Variants in PIGG observed in about 807,000 individuals in gnomAD.
PIGG encodes the protein GPI ethanolamine phosphate transferase 2, catalytic subunit.
In PIGG, 70 loss-of-function variants were observed where a neutral mutation model predicts 83.2. The observed-to-expected ratio is 0.84, with a 90% CI of 0.69 to 1.03. The LOEUF is 1.03. Ranked by LOEUF, PIGG falls within the 50% of genes least tolerant of loss-of-function variation. The probability of loss-of-function intolerance (pLI) is 0.00; values close to 1 mark genes in which losing one functional copy is unlikely to be tolerated. For synonymous variants in PIGG, 532 were observed against 519.5 expected, an observed-to-expected ratio of 1.02 and a Z score of -0.33; for missense variants, 1,257 against 1,233.6, an observed-to-expected ratio of 1.02 and a Z score of -0.28.
intron 2 of PIGG, among the ~76,000 whole-genome samples, chr4:504,927 C>T (rs1193875434): frequency 6.6e-6 from 1 of 152,158 alleles, no homozygotes; most frequent in African/African-American, 2.4e-5. Flanking sequence ...CTCCCTGGCC[C>T]CCAGTTCACT....
intron 3 of PIGG, among the ~76,000 whole-genome samples, chr4:507,127 G>T (rs145262691): frequency 6.6e-6 from 1 of 152,142 alleles, no homozygotes. Flanking sequence ...TATTATAGAC[G>T]TGGGGTCTTG....
chr4:524,780 C>A (rs531018814), intron 9 of PIGG: 4 of 152,140 alleles, frequency 2.6e-5, no homozygotes, highest in Non-Finnish European at 5.9e-5. Context: ...GTCTCAGCCC[C>A]CTGAGTAGCT....
At chr4:522,285 A>G (rs2108954739) in intron 8 of PIGG, 1 of 540,198 alleles carries the variant, frequency 1.9e-6, no homozygotes, top group Non-Finnish European at 3.3e-6. Flanking sequence ...ACAGCCTCCC[A>G]GCAGAGGTGT....
In PIGG at chr4:539,451, G is replaced by A; in HGVS notation, c.*82G>A. On this transcript the variant is annotated 3_prime_UTR_variant, in exon 13 of 13. Coordinates refer to ENST00000453061, the MANE Select transcript of PIGG (RefSeq NM_001127178.3). ...TGAAAGATATGAATTCAACAAAGTT[G>A]ATGGATAACTTTCTTTGACTGCTCT... The A allele has an allele frequency of 1.2e-6, 1 of 827,340 alleles. No homozygotes were observed. Among genetic ancestry groups the A allele is most frequent in the Non-Finnish European group, 1.9e-6 (1 of 518,626 alleles). The allele number at this position is 827,340 out of a possible 1,614,324, so 51.2% of individuals were successfully genotyped here.
At chr4:535,677 G>A (rs566104430) in intron 12 of PIGG, among the ~76,000 whole-genome samples, 9 of 152,252 alleles carry the variant, frequency 5.9e-5, no homozygotes, top group Non-Finnish European at 1.0e-4. Flanking sequence ...CTGAGCCCCC[G>A]TGCCAGCCCT....
rs192334966 is a variant in PIGG at position 518,076 on chromosome 4, G to A, written c.1114+1891G>A. 1.4e-4 allele frequency among the ~76,000 whole-genome samples: 22 copies of A among 152,324 alleles called. 1 individual carries two copies. Among genetic ancestry groups the A allele is most frequent in the Middle Eastern group, 6.8e-3 (2 of 294 alleles). Reference sequence around the variant, plus strand: ...TGGAAGACAAACCTGGCCAGCCAAGGAGTGCTTGGGAACCGGATGTGATGA... The same window carrying A: ...TGGAAGACAAACCTGGCCAGCCAAGAAGTGCTTGGGAACCGGATGTGATGA... On this transcript the variant is annotated intron_variant, in intron 6 of 12. Coordinates refer to ENST00000453061, the MANE Select transcript of PIGG (RefSeq NM_001127178.3).
chr4:533,084 C>T (rs77222403), intron 11 of PIGG: 4,515 of 152,728 alleles, frequency 0.03, 75 homozygotes, highest in African/African-American at 0.041. Context: ...CTCAGAAGAC[C>T]CCTTTTTGGG....
chr4:507,417 G>A lies in PIGG; in HGVS notation c.583G>A (p.Val195Ile). Reference protein sequence around the residue: ...VSDYTEVDNNVTRHLDKVLKR... With the variant: ...VSDYTEVDNNITRHLDKVLKR... ...TTCCCCTTCAAAGGTGGATAATAAT[G>A]TCACGAGGCATTTGGATAAAGTATT... Residue 195 changes from valine (V) to isoleucine (I), a missense_variant, in exon 4 of 13, where the codon GTC (valine) becomes ATC (isoleucine). Transcript: ENST00000453061. 1 of 1,611,212 alleles carries A rather than the reference G, an allele frequency of 6.2e-7. No individual in the cohort carries two copies. Among genetic ancestry groups the A allele is most frequent in the Non-Finnish European group, 8.5e-7 (1 of 1,177,920 alleles).
intron 5 of PIGG, among the ~76,000 whole-genome samples, chr4:512,950 C>T (rs1722673496): frequency 6.6e-6 from 1 of 152,066 alleles, no homozygotes. Context: ...AGAGGGAGAT[C>T]GTATAACCAA....
At position 528,657 on chromosome 4, in the gene PIGG, T is replaced by C; in HGVS notation, c.2261+1427T>C. On this transcript the variant is annotated intron_variant, in intron 10 of 12. Coordinates refer to ENST00000453061, the MANE Select transcript of PIGG (RefSeq NM_001127178.3). The surrounding 1 kb of genome is among the most constrained non-coding windows in gnomAD (Gnocchi z 4.8). ...ATCTGAGACTTAGGGCTCATCCAAA[T>C]GGATGTTACATTTGCGGGTGTGTGT... The C allele has an allele frequency of 1.0e-6, 1 of 985,330 alleles. No homozygotes were observed. The highest frequency in any genetic ancestry group is 1.2e-6 in the Non-Finnish European group (1 of 829,848). 61.0% of individuals were successfully genotyped at this position (985,330 alleles called of 1,614,324 possible). A position where few individuals can be genotyped will look rare whatever the true frequency, so the allele number is the denominator to read the frequency against.
At chr4:512,778 G>C (rs1362364486) in intron 5 of PIGG, among the ~76,000 whole-genome samples, 1 of 152,068 alleles carries the variant, frequency 6.6e-6, no homozygotes, top group African/African-American at 2.4e-5. Context: ...TCGCACCACT[G>C]CACTCCAGCT....
At chr4:530,413 TA>T in intron 10 of PIGG, 22 bp from the exon 11 acceptor site, 1 of 1,553,958 alleles carries the variant, frequency 6.4e-7, no homozygotes, top group Non-Finnish European at 8.9e-7. Context: ...CTAATGAATC[TA>T]ACTTGTTTTG....
At position 528,428 on chromosome 4, in the gene PIGG, C is replaced by T. The variant is rs1241469408; in HGVS notation, c.2261+1198C>T. 1 of 985,152 alleles carries T rather than the reference C, an allele frequency of 1.0e-6. No homozygotes were observed. The highest frequency in any genetic ancestry group is 1.7e-5 in the African/African-American group (1 of 57,182). The allele number at this position is 985,152 out of a possible 1,614,324, so 61.0% of individuals were successfully genotyped here. ...GGCTGTGGCCAGCCTGAGGGGTGGCCGTGGGGCTCCGGGGGCACCCCTGGA... is the reference window on the plus strand; with the variant it reads ...GGCTGTGGCCAGCCTGAGGGGTGGCTGTGGGGCTCCGGGGGCACCCCTGGA... On this transcript the variant is annotated intron_variant, in intron 10 of 12. Transcript: ENST00000453061. The surrounding 1 kb of genome is among the most constrained non-coding windows in gnomAD (Gnocchi z 4.8).
chr4:507,359 C>A (rs781896085), intron 3 of PIGG, 46 bp from the exon 4 acceptor site: 2 of 1,458,560 alleles, frequency 1.4e-6, no homozygotes, highest in Admixed American at 1.9e-5. Flanking sequence ...AGTGAAGATC[C>A]AGGGAAATTA....
At position 508,872 on chromosome 4, in the gene PIGG, A is replaced by G; in HGVS notation, c.803A>G (p.Asp268Gly). The G allele has an allele frequency of 6.2e-7, 1 of 1,613,960 alleles. No individual in the cohort carries two copies. The highest frequency in any genetic ancestry group is 1.3e-5 in the African/African-American group (1 of 75,020). Reference protein sequence around the residue: ...PLPNLLVLCGDHGMSETGSHG... With the variant: ...PLPNLLVLCGGHGMSETGSHG... ...CCCAATTTGCTGGTTCTTTGTGGTG[A>G]CCATGGCATGTCTGAAACAGGAAGT... The change falls in exon 5 of 13, where the codon GAC becomes GGC. Residue 268 changes from aspartate to glycine, a missense_variant. Asp to Gly is a moderately conservative substitution (Grantham distance 94). Transcript: ENST00000453061.
At position 528,813 on chromosome 4, in the gene PIGG, T is replaced by G. The variant is rs1728335074; in HGVS notation, c.2261+1583T>G. On this transcript the variant is annotated intron_variant, in intron 10 of 12. Coordinates refer to ENST00000453061, the MANE Select transcript of PIGG (RefSeq NM_001127178.3). The surrounding 1 kb of genome is among the most constrained non-coding windows in gnomAD (Gnocchi z 4.8). ...TCCTGCAGCATGTAATTTGCTAGTG[T>G]CCAGAACTAGCCAGTGTGCCTTTTC... The G allele has an allele frequency of 1.3e-6, 1 of 751,376 alleles. No individual in the cohort carries two copies. The highest frequency in any genetic ancestry group is 6.0e-5 in the South Asian group (1 of 16,660). The allele number at this position is 751,376 out of a possible 1,614,324, so 46.5% of individuals were successfully genotyped here. A position where few individuals can be genotyped will look rare whatever the true frequency, so the allele number is the denominator to read the frequency against.
At chr4:533,548 G>C (rs1405230868) in intron 11 of PIGG, 1 of 496,928 alleles carries the variant, frequency 2.0e-6, no homozygotes, top group Non-Finnish European at 3.7e-6. Flanking sequence ...TCCCTCTTCA[G>C]AGGGGGCCCC....
At position 523,470 on chromosome 4, in the gene PIGG, T is replaced by C. The variant is rs1056393067; in HGVS notation, c.1626T>C (p.His542=). ...GGNTPRKNPM[H]PSSRWSELDL... ...TTTCCTTTTCACAGAACCCCATGCATCCCAGCTCAAGGTGGTCAGAGCTAG... is the reference window on the plus strand; with the variant it reads ...TTTCCTTTTCACAGAACCCCATGCACCCCAGCTCAAGGTGGTCAGAGCTAG... The change falls in exon 9 of 13, where the codon CAT becomes CAC. Residue 542 remains histidine (H), a synonymous_variant. Coordinates refer to ENST00000453061, the MANE Select transcript of PIGG (RefSeq NM_001127178.3). 2.0e-5 allele frequency: 32 copies of C among 1,606,062 alleles called. No homozygotes were observed. The highest frequency in any genetic ancestry group is 2.6e-5 in the Non-Finnish European group (31 of 1,174,332).
intron 11 of PIGG, chr4:531,358 A>T (rs780528872): frequency 0.062 from 9,656 of 156,698 alleles, 577 homozygotes; most frequent in Middle Eastern, 0.14. Context: ...ACCTCAGGAG[A>T]GCAGGCACAG....
Sources: allele counts gnomAD v4.1 joint callset (sites outside exome capture counted in the v4.1 genomes callset), GRCh38; gene constraint gnomAD v4.1.1; non-coding constraint Gnocchi (gnomAD v3.1); transcripts MANE v1.5; gene names NCBI Gene and HGNC (gene_info 2026-07-23, HGNC 2026-07-21).